Variants in MBNL2 observed in about 807,000 individuals in gnomAD.
MBNL2 encodes muscleblind like splicing regulator 2, also known as muscleblind-like protein 2.
MBNL2 carries 17 observed loss-of-function variants against 41.9 expected under a neutral mutation model. That is an observed-to-expected ratio of 0.41 (90% CI 0.28 to 0.61). The LOEUF (loss-of-function observed/expected upper bound fraction) is 0.61. MBNL2 is among the 20% of genes least tolerant of loss of function. The pLI, the probability that MBNL2 is intolerant of heterozygous loss-of-function variation, is 0.35. For synonymous variants in MBNL2, 195 were observed against 182.9 expected (o/e 1.07, Z -0.53); for missense variants, 336 against 505.6 (o/e 0.66, Z 3.22).
chr13:97,309,393 G>C (rs1029987440), intron 2 of MBNL2, among the ~76,000 whole-genome samples: 3 of 152,292 alleles, frequency 2.0e-5, no homozygotes, highest in East Asian at 3.9e-4. Context: ...GGTCATCAGG[G>C]TGTCTTAATC....
At chr13:97,210,559 A>C in the MBNL2 span, among the ~76,000 whole-genome samples, 1 of 129,570 alleles carries the variant, frequency 7.7e-6, no homozygotes, top group African/African-American at 3.0e-5. Context: ...AAATGATTCT[A>C]TACAACTGTG....
At chr13:97,281,219 G>A (rs1402558644) in intron 2 of MBNL2, among the ~76,000 whole-genome samples, 1 of 152,192 alleles carries the variant, frequency 6.6e-6, no homozygotes, top group South Asian at 2.1e-4. Flanking sequence ...GTACAGGGGT[G>A]CACTGCACTC....
intron 2 of MBNL2, among the ~76,000 whole-genome samples, chr13:97,329,346 TATA>T (rs2060174240): frequency 6.6e-6 from 1 of 152,070 alleles, no homozygotes; most frequent in South Asian, 2.1e-4. Context: ...AAATATGAAA[TATA>T]ATAATCAGGG....
At chr13:97,237,317 G>C (rs535284063) in intron 1 of MBNL2, among the ~76,000 whole-genome samples, 14 of 152,370 alleles carry the variant, frequency 9.2e-5, no homozygotes, top group Non-Finnish European at 1.8e-4. Flanking sequence ...TTAAGGACCT[G>C]CTCTGCCAGG....
chr13:97,266,143 G>A (rs1330629287), intron 1 of MBNL2, among the ~76,000 whole-genome samples: 1 of 152,128 alleles, frequency 6.6e-6, no homozygotes, highest in African/African-American at 2.4e-5. Flanking sequence ...TTGGGGGGCC[G>A]AGGCAGGAGA....
intron 1 of MBNL2, among the ~76,000 whole-genome samples, chr13:97,258,772 G>A (rs752125842): frequency 6.6e-6 from 1 of 152,188 alleles, no homozygotes; most frequent in Non-Finnish European, 1.5e-5. Context: ...ACAACTGGAT[G>A]GCTCTTTCTG....
intron 1 of MBNL2, among the ~76,000 whole-genome samples, chr13:97,234,474 T>C (rs9516878): frequency 0.73 from 111,526 of 151,994 alleles, 41,263 homozygotes; most frequent in African/African-American, 0.83. Context: ...TCTCTCAGCT[T>C]GGTTCAGGCC....
Position 97,390,958 on chromosome 13 carries a change from A to G in MBNL2, c.1049-364A>G, listed in dbSNP as rs141207260. Among the ~76,000 whole-genome samples, 1,089 of 152,310 alleles carry G rather than the reference A, an allele frequency of 7.1e-3. 20 individuals carry two copies. Among genetic ancestry groups the G allele is most frequent in the African/African-American group, 0.024 (1,007 of 41,572 alleles). On this transcript the variant is annotated intron_variant, in intron 8 of 8. Coordinates refer to ENST00000679496, the MANE Select transcript of MBNL2 (RefSeq NM_001382683.1). Reference sequence around the variant, plus strand: ...ACAAATTCTCTGATTAGACTTTCTGATCACCGTAGCAAATATGAATTGGAC... The same window carrying G: ...ACAAATTCTCTGATTAGACTTTCTGGTCACCGTAGCAAATATGAATTGGAC...
chr13:97,258,915 C>T (rs1471690211), intron 1 of MBNL2, among the ~76,000 whole-genome samples: 1 of 152,090 alleles, frequency 6.6e-6, no homozygotes, highest in Non-Finnish European at 1.5e-5. Context: ...TATGTTAACC[C>T]CCCAGGCCAG....
the MBNL2 span, among the ~76,000 whole-genome samples, chr13:97,188,128 C>G: frequency 2.6e-5 from 4 of 152,120 alleles, no homozygotes; most frequent in African/African-American, 9.7e-5. Flanking sequence ...AATGAAGTTA[C>G]AAAAGGTGAG....
Position 97,309,951 on chromosome 13 carries a change from G to A in MBNL2, c.175-24325G>A, listed in dbSNP as rs937379. ...AGAATAGCACAGAGAAGGACTATCT[G>A]TAATGGAGTATGGGGCAGGCTATGC... On this transcript the variant is annotated intron_variant, in intron 2 of 8. Transcript: ENST00000679496. 7.3e-3 allele frequency among the ~76,000 whole-genome samples: 1,117 copies of A among 152,356 alleles called. 35 individuals are homozygous for A. The highest frequency in any genetic ancestry group is 0.056 in the Admixed American group (860 of 15,308).
chr13:97,148,891 G>A, the MBNL2 span, among the ~76,000 whole-genome samples: 10,366 of 152,224 alleles, frequency 0.068, 556 homozygotes, highest in African/African-American at 0.15. Context: ...GTACATTTGC[G>A]TATGCACTAA....
the MBNL2 span, among the ~76,000 whole-genome samples, chr13:97,142,173 CTTA>C: frequency 6.6e-6 from 1 of 152,118 alleles, no homozygotes; most frequent in African/African-American, 2.4e-5. Flanking sequence ...AGAATTGATG[CTTA>C]TTATAACTGT....
intron 1 of MBNL2, among the ~76,000 whole-genome samples, chr13:97,251,906 A>G (rs1260381426): frequency 4.0e-5 from 5 of 126,030 alleles, no homozygotes; most frequent in African/African-American, 1.5e-4. Flanking sequence ...TGCGGACTGC[A>G]GTGGCGCAAT....
At chr13:97,391,270 A>G in intron 8 of MBNL2, 52 bp from the exon 9 acceptor site, 1 of 811,150 alleles carries the variant, frequency 1.2e-6, no homozygotes, top group Non-Finnish European at 2.1e-6. Flanking sequence ...TAAACTCATT[A>G]TTTTTCCTCC....
intron 5 of MBNL2, among the ~76,000 whole-genome samples, chr13:97,348,047 T>G (rs1310457047): frequency 1.3e-5 from 2 of 151,428 alleles, no homozygotes; most frequent in Non-Finnish European, 2.9e-5. Flanking sequence ...TCTTATTTAG[T>G]TGGTCTGGTG....
chr13:97,145,583 C>T, the MBNL2 span, among the ~76,000 whole-genome samples: 1 of 152,202 alleles, frequency 6.6e-6, no homozygotes, highest in Non-Finnish European at 1.5e-5. Flanking sequence ...TACTTTATTT[C>T]ATAACTAGTT....
upstream of MBNL2, among the ~76,000 whole-genome samples, chr13:97,218,420 A>AAAAAC (rs369390369): frequency 0.023 from 2,659 of 115,052 alleles, 72 homozygotes; most frequent in Non-Finnish European, 0.035. Context: ...AAAAAAAAAC[A>AAAAAC]AAAACAAAAC....
At chr13:97,187,000 T>C in the MBNL2 span, among the ~76,000 whole-genome samples, 1 of 152,202 alleles carries the variant, frequency 6.6e-6, no homozygotes, top group East Asian at 1.9e-4. Flanking sequence ...TTCCCCTGCC[T>C]TATTGCCACC....
Sources: allele counts gnomAD v4.1 joint callset (sites outside exome capture counted in the v4.1 genomes callset), GRCh38; gene constraint gnomAD v4.1.1; transcripts MANE v1.5; gene names NCBI Gene and HGNC (gene_info 2026-07-23, HGNC 2026-07-21).